MEF2C: variants seen among roughly 807,000 people sequenced by gnomAD.
MEF2C encodes the protein myocyte-specific enhancer factor 2C.
Under a neutral mutation model 50.5 loss-of-function variants are expected in MEF2C, and 6 were observed. The observed-to-expected ratio is 0.12, with a 90% CI of 0.07 to 0.23. MEF2C has a LOEUF of 0.23. Ranked by LOEUF, MEF2C falls within the 10% of genes least tolerant of loss-of-function variation. MEF2C has a pLI of 1.00. For missense variants in MEF2C, 276 were observed against 605.0 expected, an observed-to-expected ratio of 0.46 and a Z score of 5.70; for synonymous variants, 183 against 228.0, an observed-to-expected ratio of 0.80 and a Z score of 1.78.
chr5:88,840,735 T>C (rs192756412), intron 1 of MEF2C, among the ~76,000 whole-genome samples: 24 of 152,314 alleles, frequency 1.6e-4, no homozygotes, highest in Non-Finnish European at 1.8e-4. Context: ...GCACTCTTTA[T>C]ACAGGATTTG....
Position 88,739,099 on chromosome 5 carries a change from A to G in MEF2C, c.638-7198T>C, listed in dbSNP as rs976202109. The stretch of plus-strand genomic sequence containing the variant: ...TTTAAGAGACCAGCTTCTATCAGAA[A>G]CACCCAATGTTACAGTGAAATGTCC... On this transcript the variant is annotated intron_variant, in intron 6 of 10. Transcript: ENST00000504921. 3.0e-6 allele frequency: 3 copies of G among 985,284 alleles called. No individual in the cohort carries two copies. The African/African-American group carries it at 5.2e-5, about 17-fold the overall frequency. The allele number at this position is 985,284 out of a possible 1,614,324, so 61.0% of individuals were successfully genotyped here. A position where few individuals can be genotyped will look rare whatever the true frequency, so the allele number is the denominator to read the frequency against.
chr5:88,787,507 G>A (rs1329376677), intron 3 of MEF2C, among the ~76,000 whole-genome samples: 2 of 152,184 alleles, frequency 1.3e-5, no homozygotes, highest in Non-Finnish European at 2.9e-5. Flanking sequence ...GAATGAGAGT[G>A]TGTGATGTTG....
chr5:88,730,407 T>C (rs557812561), intron 7 of MEF2C, among the ~76,000 whole-genome samples, 173 bp from the exon 8 acceptor site: 3 of 152,326 alleles, frequency 2.0e-5, no homozygotes, highest in East Asian at 3.9e-4. Context: ...TTTCCCTTAA[T>C]GAGCTGTTTG....
rs778164623 is a variant in MEF2C at position 88,722,286 on chromosome 5, G to C, written c.*318C>G. On this transcript the variant is annotated 3_prime_UTR_variant, in exon 11 of 11. Transcript: ENST00000504921. Reference sequence around the variant, plus strand: ...TGTCTATTTACATGTAAATAACGTTGAACCTGCAACATGACACTATCTATT... The same window carrying C: ...TGTCTATTTACATGTAAATAACGTTCAACCTGCAACATGACACTATCTATT... 6 of 237,212 alleles carry C rather than the reference G, an allele frequency of 2.5e-5. No homozygotes were observed. The highest frequency in any genetic ancestry group is 4.5e-5 in the African/African-American group (2 of 44,464). 14.7% of individuals were successfully genotyped at this position (237,212 alleles called of 1,614,324 possible). A position where few individuals can be genotyped will look rare whatever the true frequency, so the allele number is the denominator to read the frequency against.
intron 1 of MEF2C, among the ~76,000 whole-genome samples, chr5:88,849,705 T>C (rs958728368): frequency 6.6e-6 from 1 of 152,172 alleles, no homozygotes; most frequent in African/African-American, 2.4e-5. Context: ...AAATCCAGTA[T>C]ACTCTAGATC....
At position 88,720,093 on chromosome 5, in the gene MEF2C, A is replaced by G. The variant is rs1027188941; in HGVS notation, c.*2511T>C. On this transcript the variant is annotated 3_prime_UTR_variant, in exon 11 of 11. Transcript: ENST00000504921. ...TATTGATATACTAAAGTATTTTGAA[A>G]TGACAAAGAACATTTGTGAAATGTT... 1.3e-5 allele frequency: 2 copies of G among 152,208 alleles called. No homozygotes were observed. The highest frequency in any genetic ancestry group is 2.9e-5 in the Non-Finnish European group (2 of 68,012). The allele number at this position is 152,208 out of a possible 1,614,324, so 9.4% of individuals were successfully genotyped here.
intron 3 of MEF2C, among the ~76,000 whole-genome samples, chr5:88,791,714 C>T (rs1425884096): frequency 1.3e-5 from 2 of 151,902 alleles, no homozygotes; most frequent in African/African-American, 2.4e-5. Context: ...AATATGAATA[C>T]ATTTAAAAAA....
chr5:88,731,298 T>C (rs1761439607), intron 7 of MEF2C: 1 of 157,452 alleles, frequency 6.4e-6, no homozygotes, highest in South Asian at 1.9e-4. Flanking sequence ...AAAGTTCATT[T>C]AGAAATTGTG....
intron 3 of MEF2C, among the ~76,000 whole-genome samples, chr5:88,803,087 C>A (rs1477014484): frequency 6.6e-6 from 1 of 152,154 alleles, no homozygotes; most frequent in East Asian, 1.9e-4. Context: ...TGTTCACCTT[C>A]ATATTTTTGT....
chr5:88,804,787 C>T lies in MEF2C; in HGVS notation c.69G>A (p.Lys23=). The T allele has an allele frequency of 6.2e-7, 1 of 1,613,792 alleles. No individual in the cohort carries two copies. Among genetic ancestry groups the T allele is most frequent in the Non-Finnish European group, 8.5e-7 (1 of 1,179,696 alleles). The change falls in exon 3 of 11, where the codon AAG becomes AAA. Residue 23 remains lysine, a synonymous_variant. Coordinates refer to ENST00000504921, the MANE Select transcript of MEF2C (RefSeq NM_002397.5). ...CCTTCTTCATCAACCCAAATTTCCT[C>T]TTTGTAAATGTCACCTAGAAAAAAG... ...DERNRQVTFT[K]RKFGLMKKAY...
chr5:88,782,494 C>T (rs1788618462), intron 3 of MEF2C, among the ~76,000 whole-genome samples: 1 of 151,362 alleles, frequency 6.6e-6, no homozygotes, highest in Non-Finnish European at 1.5e-5. Flanking sequence ...ACAAGCAAAA[C>T]GAAAACAACA....
chr5:88,863,345 G>A (rs746367428), intron 1 of MEF2C, among the ~76,000 whole-genome samples: 1 of 152,184 alleles, frequency 6.6e-6, no homozygotes, highest in Non-Finnish European at 1.5e-5. Context: ...TTAGTGAAAA[G>A]TTGACTGATG....
intron 4 of MEF2C, among the ~76,000 whole-genome samples, chr5:88,756,541 C>A (rs1023620893): frequency 2.0e-5 from 3 of 152,168 alleles, no homozygotes; most frequent in African/African-American, 7.2e-5. Context: ...TATCAGGAAT[C>A]TCAGTTACAG....
At chr5:88,775,829 G>A in intron 3 of MEF2C, 1 of 983,868 alleles carries the variant, frequency 1.0e-6, no homozygotes, top group African/African-American at 1.7e-5. Flanking sequence ...GAAGGGTATA[G>A]AGAGTATTTT....
chr5:88,739,560 A>G, intron 6 of MEF2C: 1 of 984,882 alleles, frequency 1.0e-6, no homozygotes, highest in Non-Finnish European at 1.2e-6. Flanking sequence ...TGTATCATAA[A>G]CTTGCTCATA....
At position 88,733,873 on chromosome 5, in the gene MEF2C, A is replaced by G. The variant is rs1018446522; in HGVS notation, c.638-1972T>C. ...AAATGTTGGTTGAATCTGAATATCAATTCCCTTCTATAAGAAAACTTCTGG... is the reference window on the plus strand; with the variant it reads ...AAATGTTGGTTGAATCTGAATATCAGTTCCCTTCTATAAGAAAACTTCTGG... On this transcript the variant is annotated intron_variant, in intron 6 of 10. Coordinates refer to ENST00000504921, the MANE Select transcript of MEF2C (RefSeq NM_002397.5). 7 of 985,232 alleles carry G rather than the reference A, an allele frequency of 7.1e-6. No individual in the cohort carries two copies. In the African/African-American group the frequency reaches 1.0e-4, roughly 15 times the overall value. The allele number at this position is 985,232 out of a possible 1,614,324, so 61.0% of individuals were successfully genotyped here.
chr5:88,752,287 C>T (rs1446608274), intron 4 of MEF2C, among the ~76,000 whole-genome samples: 1 of 152,218 alleles, frequency 6.6e-6, no homozygotes, highest in Non-Finnish European at 1.5e-5. Context: ...AGCCCCATTT[C>T]ATTAGACTCC....
Position 88,751,675 on chromosome 5 carries a change from G to A in MEF2C, c.589+182C>T, listed in dbSNP as rs556333416. On this transcript the variant is annotated intron_variant, in intron 5 of 10. Coordinates refer to ENST00000504921, the MANE Select transcript of MEF2C (RefSeq NM_002397.5). Reference sequence around the variant, plus strand: ...TAAACGGCAGATTATGAAAGATTTCGAAAAACATACTAAAGAATTTAGGCT... The same window carrying A: ...TAAACGGCAGATTATGAAAGATTTCAAAAAACATACTAAAGAATTTAGGCT... Among the ~76,000 whole-genome samples the A allele has an allele frequency of 8.5e-5, 13 of 152,276 alleles. 1 individual carries two copies. Among genetic ancestry groups the A allele is most frequent in the Non-Finnish European group, 1.8e-4 (12 of 68,000 alleles).
At chr5:88,740,691 A>G (rs181388105) in intron 6 of MEF2C, 2 of 983,440 alleles carry the variant, frequency 2.0e-6, no homozygotes, top group Non-Finnish European at 2.4e-6. Context: ...AAAAAAAAAA[A>G]CCCAAATATC....
Sources: gnomAD v4.1 joint callset for allele counts (sites outside exome capture counted in the v4.1 genomes callset) on GRCh38, gnomAD v4.1.1 for gene constraint, MANE v1.5 for transcripts, NCBI Gene and HGNC (gene_info 2026-07-23, HGNC 2026-07-21) for gene names.